The following MYO3B variants were observed in gnomAD, a reference collection of about 807,000 sequenced individuals.
The protein encoded by MYO3B is myosin IIIB.
In MYO3B, 156 loss-of-function variants were observed where a neutral mutation model predicts 174.6. That is an observed-to-expected ratio of 0.89 (90% CI 0.78 to 1.02). MYO3B has a LOEUF of 1.02. Ranked by LOEUF, MYO3B falls within the 50% of genes least tolerant of loss-of-function variation. The pLI is 0.00. For synonymous variants in MYO3B, 563 were observed against 569.1 expected (o/e 0.99, Z 0.15); for missense variants, 1,632 against 1,639.4 (o/e 1.00, Z 0.08).
intron 23 of MYO3B, among the ~76,000 whole-genome samples, chr2:170,447,951 A>G (rs1425207815): frequency 1.3e-5 from 2 of 152,092 alleles, no homozygotes; most frequent in Non-Finnish European, 2.9e-5. Context: ...TATTGATCTG[A>G]GTGGTGCCAG....
At chr2:170,273,856 C>A (rs1193846368) in intron 7 of MYO3B, among the ~76,000 whole-genome samples, 1 of 152,140 alleles carries the variant, frequency 6.6e-6, no homozygotes, top group Non-Finnish European at 1.5e-5. Flanking sequence ...AATTCCCTAG[C>A]CCCTGGCTAT....
intron 25 of MYO3B, among the ~76,000 whole-genome samples, chr2:170,484,781 A>T (rs1685922487): frequency 1.3e-5 from 2 of 152,118 alleles, no homozygotes. Flanking sequence ...CTCTTTACTC[A>T]AGGCCAAACA....
At chr2:170,648,400 T>C (rs933299743) in intron 32 of MYO3B, among the ~76,000 whole-genome samples, 3 of 152,012 alleles carry the variant, frequency 2.0e-5, no homozygotes, top group Admixed American at 2.0e-4. Context: ...GAGGCTGAGC[T>C]GGGCAGATGA....
At chr2:170,324,386 A>G (rs1294404765) in intron 7 of MYO3B, among the ~76,000 whole-genome samples, 1 of 152,212 alleles carries the variant, frequency 6.6e-6, no homozygotes, top group Non-Finnish European at 1.5e-5. Flanking sequence ...TATGAGTCTT[A>G]ATGAGGAAAT....
At chr2:170,264,041 A>T (rs1245578717) in intron 7 of MYO3B, among the ~76,000 whole-genome samples, 1 of 152,182 alleles carries the variant, frequency 6.6e-6, no homozygotes, top group African/African-American at 2.4e-5. Flanking sequence ...TAACAAGCAT[A>T]CTGCCTTCAA....
intron 32 of MYO3B, among the ~76,000 whole-genome samples, chr2:170,623,770 C>G (rs1696146195): frequency 6.6e-6 from 1 of 152,138 alleles, no homozygotes; most frequent in Non-Finnish European, 1.5e-5. Flanking sequence ...ACAAAGGGAT[C>G]CAGTTTCATC....
chr2:170,526,288 CT>C (rs1381129462), intron 30 of MYO3B, among the ~76,000 whole-genome samples: 1 of 152,152 alleles, frequency 6.6e-6, no homozygotes, highest in Non-Finnish European at 1.5e-5. Flanking sequence ...GTAATGAATA[CT>C]CAATAAGAGA....
chr2:170,253,243 A>G (rs1165034082), intron 7 of MYO3B, among the ~76,000 whole-genome samples: 5 of 152,126 alleles, frequency 3.3e-5, no homozygotes, highest in African/African-American at 7.2e-5. Flanking sequence ...TGGATTATGG[A>G]TATAATTTGG....
chr2:170,346,465 C>T (rs1490032367), intron 8 of MYO3B: 1 of 152,146 alleles, frequency 6.6e-6, no homozygotes, highest in Admixed American at 6.5e-5. Flanking sequence ...ACAATCACTA[C>T]AATGTCAAGT....
At chr2:170,530,740 G>A (rs897783378) in intron 30 of MYO3B, among the ~76,000 whole-genome samples, 4 of 152,298 alleles carry the variant, frequency 2.6e-5, no homozygotes. Flanking sequence ...GAGGGCAGTT[G>A]TTTAAATTAT....
chr2:170,297,135 G>T (rs189536640), intron 7 of MYO3B, among the ~76,000 whole-genome samples: 1 of 152,156 alleles, frequency 6.6e-6, no homozygotes, highest in Non-Finnish European at 1.5e-5. Flanking sequence ...ACAAGAAGAT[G>T]TACAATTTTT....
intron 3 of MYO3B, among the ~76,000 whole-genome samples, chr2:170,201,794 C>T (rs1396705938): frequency 7.6e-6 from 1 of 132,304 alleles, no homozygotes; most frequent in Non-Finnish European, 1.5e-5. Context: ...AAGTACTGTT[C>T]CTGGGGTCTC....
At chr2:170,219,597 T>A (rs2092869825) in intron 6 of MYO3B, among the ~76,000 whole-genome samples, 1 of 151,722 alleles carries the variant, frequency 6.6e-6, no homozygotes, top group Non-Finnish European at 1.5e-5. Flanking sequence ...TGAGCAGAGA[T>A]GCCACCACTG....
intron 29 of MYO3B, among the ~76,000 whole-genome samples, chr2:170,515,616 C>T (rs1031137096): frequency 1.3e-5 from 2 of 152,000 alleles, no homozygotes; most frequent in African/African-American, 2.4e-5. Flanking sequence ...TGCAGTCTCA[C>T]CCTTTTGAAT....
chr2:170,247,815 T>C lies in MYO3B; in HGVS notation c.749+11679T>C, dbSNP rs77873694. Among the ~76,000 whole-genome samples, 1,053 of 152,326 alleles carry C rather than the reference T, an allele frequency of 6.9e-3. 20 individuals carry two copies. The highest frequency in any genetic ancestry group is 0.024 in the African/African-American group (993 of 41,560). ...AGTCTGTCCTCATGACCCAATTTTC[T>C]CCAGAGACCCCATTTCCTACAACAA... is the stretch of plus-strand genomic sequence containing the variant. On this transcript the variant is annotated intron_variant, in intron 7 of 34. Transcript: ENST00000408978.
intron 32 of MYO3B, among the ~76,000 whole-genome samples, chr2:170,567,663 T>A (rs1323950434): frequency 6.6e-6 from 1 of 152,322 alleles, no homozygotes; most frequent in East Asian, 1.9e-4. Flanking sequence ...ATGGTAATGC[T>A]GAGAGGCCTC....
intron 23 of MYO3B, among the ~76,000 whole-genome samples, chr2:170,450,450 A>G (rs1683535368): frequency 6.6e-6 from 1 of 152,170 alleles, no homozygotes; most frequent in Non-Finnish European, 1.5e-5. Context: ...ATAACCCAGA[A>G]ATTTTAAAAA....
intron 6 of MYO3B, among the ~76,000 whole-genome samples, chr2:170,227,822 A>C (rs1285807878): frequency 6.6e-6 from 1 of 152,100 alleles, no homozygotes; most frequent in African/African-American, 2.4e-5. Flanking sequence ...TTTTTCCTCA[A>C]TAGTTTCTGA....
intron 32 of MYO3B, among the ~76,000 whole-genome samples, chr2:170,616,567 T>G (rs1370449238): frequency 6.6e-6 from 1 of 152,186 alleles, no homozygotes; most frequent in Non-Finnish European, 1.5e-5. Context: ...ATCTCCCCCT[T>G]CTCTCTGATT....
Sources: allele counts gnomAD v4.1 joint callset (sites outside exome capture counted in the v4.1 genomes callset), GRCh38; gene constraint gnomAD v4.1.1; transcripts MANE v1.5; gene names NCBI Gene and HGNC (gene_info 2026-07-23, HGNC 2026-07-21).